The following MACROD2 variants were observed in gnomAD, a reference collection of about 807,000 sequenced individuals.
The protein encoded by MACROD2 is mono-ADP ribosylhydrolase 2, also known as ADP-ribose glycohydrolase MACROD2.
MACROD2 carries 36 observed loss-of-function variants against 70.4 expected under a neutral mutation model. The ratio of observed to expected loss-of-function variants is 0.51; its 90% CI spans 0.39 to 0.68. The LOEUF is 0.68. Ranked by LOEUF, MACROD2 falls within the 30% of genes least tolerant of loss-of-function variation. The pLI is 0.00. For missense variants in MACROD2, 496 were observed against 538.4 expected (o/e 0.92, Z 0.78); for synonymous variants, 172 against 178.8 (o/e 0.96, Z 0.30).
intron 5 of MACROD2, among the ~76,000 whole-genome samples, chr20:14,792,871 T>C (rs2072466326): frequency 6.6e-6 from 1 of 152,172 alleles, no homozygotes; most frequent in African/African-American, 2.4e-5. Context: ...CTGCTACTTT[T>C]GCAGTGGAAA....
At chr20:15,012,394 A>G (rs1483459689) in intron 5 of MACROD2, among the ~76,000 whole-genome samples, 1 of 152,208 alleles carries the variant, frequency 6.6e-6, no homozygotes, top group East Asian at 1.9e-4. Context: ...CCCAAGCTAC[A>G]GTAAACAGCT....
chr20:14,269,647 T>C (rs1335152225), intron 3 of MACROD2, among the ~76,000 whole-genome samples: 1 of 152,206 alleles, frequency 6.6e-6, no homozygotes, highest in Non-Finnish European at 1.5e-5. Flanking sequence ...ATACAATTTC[T>C]TTGGATTTAA....
chr20:14,109,645 A>G (rs1266425195), intron 3 of MACROD2, among the ~76,000 whole-genome samples: 1 of 151,920 alleles, frequency 6.6e-6, no homozygotes, highest in African/African-American at 2.4e-5. Context: ...TGGAAAATAT[A>G]GTTGGAAATG....
At chr20:15,915,634 A>C (rs552449293) in intron 10 of MACROD2, among the ~76,000 whole-genome samples, 24 of 152,328 alleles carry the variant, frequency 1.6e-4, no homozygotes, top group African/African-American at 5.8e-4. Context: ...AGAAGAAATC[A>C]CATTTCACAC....
intron 5 of MACROD2, among the ~76,000 whole-genome samples, chr20:14,945,940 G>A (rs994182183): frequency 3.3e-4 from 51 of 152,258 alleles, no homozygotes; most frequent in African/African-American, 1.1e-3. Context: ...GTGTGAAGTG[G>A]CTTATGCCTG....
At position 14,863,283 on chromosome 20, in the gene MACROD2, G is replaced by A. The variant is rs187530319; in HGVS notation, c.418+178324G>A. On this transcript the variant is annotated intron_variant, in intron 5 of 17. Transcript: ENST00000684519. ...TTGCACAGGCAGCGCTTATATCTATGGGCACATTTCACATTGTAGATTTCT... is the reference window on the plus strand; with the variant it reads ...TTGCACAGGCAGCGCTTATATCTATAGGCACATTTCACATTGTAGATTTCT... Among the ~76,000 whole-genome samples the A allele has an allele frequency of 1.4e-3, 219 of 152,100 alleles. 2 individuals are homozygous for A. The highest frequency in any genetic ancestry group is 2.9e-3 in the Non-Finnish European group (199 of 67,980).
At chr20:15,722,034 G>C (rs187083400) in intron 8 of MACROD2, among the ~76,000 whole-genome samples, 2 of 152,178 alleles carry the variant, frequency 1.3e-5, no homozygotes, top group African/African-American at 4.8e-5. Context: ...AACTACATTT[G>C]TGAAATGTAT....
At chr20:15,738,518 T>G (rs888831287) in intron 8 of MACROD2, among the ~76,000 whole-genome samples, 2 of 152,104 alleles carry the variant, frequency 1.3e-5, no homozygotes, top group Non-Finnish European at 2.9e-5. Context: ...GATAAAACTT[T>G]GAAAGAGCAG....
At chr20:14,143,496 G>A (rs1601276624) in intron 3 of MACROD2, among the ~76,000 whole-genome samples, 1 of 151,876 alleles carries the variant, frequency 6.6e-6, no homozygotes, top group Non-Finnish European at 1.5e-5. Context: ...TGTTTAATGT[G>A]GAAATGGTTA....
intron 3 of MACROD2, among the ~76,000 whole-genome samples, chr20:14,128,600 G>A (rs2054680801): frequency 6.6e-6 from 1 of 152,198 alleles, no homozygotes; most frequent in Non-Finnish European, 1.5e-5. Flanking sequence ...CAGATTTTCA[G>A]TGTATATGAA....
intron 6 of MACROD2, among the ~76,000 whole-genome samples, chr20:15,405,669 A>G (rs2045990476): frequency 6.6e-6 from 1 of 151,964 alleles, no homozygotes; most frequent in South Asian, 2.1e-4. Flanking sequence ...CTGTCTCGTT[A>G]ATTCCTCCCA....
At chr20:15,678,463 C>A (rs1451803635) in intron 8 of MACROD2, among the ~76,000 whole-genome samples, 1 of 151,916 alleles carries the variant, frequency 6.6e-6, no homozygotes, top group Non-Finnish European at 1.5e-5. Context: ...GGGTTCACGC[C>A]ATTCTCCTGC....
intron 4 of MACROD2, among the ~76,000 whole-genome samples, chr20:14,512,340 TC>T (rs869259586): frequency 1.0e-4 from 5 of 48,244 alleles, no homozygotes; most frequent in East Asian, 0.05. Flanking sequence ...TATGGGAGTT[TC>T]CCCTGTGGAG....
chr20:15,932,418 T>G (rs2065594780), intron 10 of MACROD2, among the ~76,000 whole-genome samples: 1 of 152,214 alleles, frequency 6.6e-6, no homozygotes, highest in South Asian at 2.1e-4. Context: ...GCTCCACTCC[T>G]TCAGAGACAA....
Position 15,499,141 on chromosome 20 carries a change from C to T in MACROD2, c.572-633C>T, listed in dbSNP as rs571173901. The stretch of plus-strand genomic sequence containing the variant: ...GTGTTTTGGAGACTCTGAGCATGTA[C>T]GCTTCTGCTCTTTGGGACAAAGCAT... On this transcript the variant is annotated intron_variant, in intron 7 of 17. Transcript: ENST00000684519. Among the ~76,000 whole-genome samples, 10 of 152,332 alleles carry T rather than the reference C, an allele frequency of 6.6e-5. No homozygotes were observed. The East Asian group carries it at 1.2e-3, about 18-fold the overall frequency.
rs1315453404 is a variant in MACROD2 at position 15,065,624 on chromosome 20, A to C, written c.419-164316A>C. Reference sequence around the variant, plus strand: ...AGCCAAGATCGCGCCACTGCACTCTAGCCTGGGCGACAGAGCGAGACTCCG... The same window carrying C: ...AGCCAAGATCGCGCCACTGCACTCTCGCCTGGGCGACAGAGCGAGACTCCG... On this transcript the variant is annotated intron_variant, in intron 5 of 17. Transcript: ENST00000684519. 5.3e-5 allele frequency among the ~76,000 whole-genome samples: 8 copies of C among 150,130 alleles called. No individual in the cohort carries two copies. In the East Asian group the frequency reaches 1.6e-3, roughly 29 times the overall value.
intron 4 of MACROD2, among the ~76,000 whole-genome samples, chr20:14,507,648 T>G (rs1295744348): frequency 6.6e-6 from 1 of 152,184 alleles, no homozygotes; most frequent in African/African-American, 2.4e-5. Flanking sequence ...TATATTGCCA[T>G]TTTAAATATA....
chr20:15,378,750 C>A (rs902331127), intron 6 of MACROD2, among the ~76,000 whole-genome samples: 11 of 151,942 alleles, frequency 7.2e-5, no homozygotes, highest in Non-Finnish European at 1.6e-4. Context: ...AACTTTAGTG[C>A]AAATCAAACT....
chr20:14,574,548 C>G (rs1980442665), intron 4 of MACROD2, among the ~76,000 whole-genome samples: 1 of 151,954 alleles, frequency 6.6e-6, no homozygotes, highest in African/African-American at 2.4e-5. Context: ...TTCACTTGCC[C>G]CCTAGTATTC....
Sources: allele counts gnomAD v4.1 joint callset (sites outside exome capture counted in the v4.1 genomes callset), GRCh38; gene constraint gnomAD v4.1.1; transcripts MANE v1.5; gene names NCBI Gene and HGNC (gene_info 2026-07-23, HGNC 2026-07-21).